The following FCHSD2 variants were observed in gnomAD, a reference collection of about 807,000 sequenced individuals.
FCHSD2 encodes FCH and double SH3 domains 2.
In FCHSD2, 38 loss-of-function variants were observed where a neutral mutation model predicts 108.1. That is an observed-to-expected ratio of 0.35 (90% CI 0.27 to 0.46). The LOEUF (loss-of-function observed/expected upper bound fraction) is 0.46, where lower values mean the gene tolerates loss of function less well. Among genes scored for constraint, FCHSD2 ranks in the 20% least tolerant of loss-of-function variants. FCHSD2 has a pLI of 1.00. For synonymous variants in FCHSD2, 279 were observed against 314.7 expected, an observed-to-expected ratio of 0.89 and a Z score of 1.20; for missense variants, 751 against 897.8, an observed-to-expected ratio of 0.84 and a Z score of 2.09.
chr11:73,091,415 G>C (rs948961133), intron 2 of FCHSD2, among the ~76,000 whole-genome samples: 2 of 151,926 alleles, frequency 1.3e-5, no homozygotes, highest in Non-Finnish European at 2.9e-5. Flanking sequence ...CAGGTGTGGT[G>C]GTGGGTGCCT....
intron 2 of FCHSD2, among the ~76,000 whole-genome samples, chr11:73,115,837 G>C (rs1169963073): frequency 1.3e-5 from 2 of 152,178 alleles, no homozygotes; most frequent in African/African-American, 2.4e-5. Flanking sequence ...ACATTATTGA[G>C]GGTAGCCTCC....
chr11:73,141,784 C>CG, intron 1 of FCHSD2, 73 bp downstream of exon 1: 2 of 1,461,390 alleles, frequency 1.4e-6, no homozygotes, highest in Non-Finnish European at 1.8e-6. Flanking sequence ...GGGGAAGGGG[C>CG]GCAGCGGTCG....
intron 7 of FCHSD2, 82 bp downstream of exon 7, chr11:72,984,980 A>T: frequency 8.1e-6 from 5 of 619,776 alleles, no homozygotes; most frequent in Admixed American, 2.5e-5. Flanking sequence ...GAAATAATCC[A>T]CCTCCACCCT....
chr11:73,046,700 T>C (rs1357175436), intron 3 of FCHSD2, among the ~76,000 whole-genome samples: 1 of 152,204 alleles, frequency 6.6e-6, no homozygotes, highest in Admixed American at 6.5e-5. Context: ...AAAGCACAAG[T>C]ATAACAAGAT....
chr11:72,955,538 G>A (rs1240444379), intron 8 of FCHSD2, among the ~76,000 whole-genome samples: 3 of 152,136 alleles, frequency 2.0e-5, no homozygotes, highest in African/African-American at 4.8e-5. Flanking sequence ...TGGGTGGGGT[G>A]GAGCTAAAAG....
intron 2 of FCHSD2, among the ~76,000 whole-genome samples, chr11:73,114,280 A>G (rs1204749554): frequency 1.3e-5 from 2 of 151,936 alleles, no homozygotes; most frequent in East Asian, 3.9e-4. Context: ...AGTGCTCTTC[A>G]GTCATCTTGT....
intron 5 of FCHSD2, among the ~76,000 whole-genome samples, chr11:72,992,311 C>T (rs1202228505): frequency 6.6e-6 from 1 of 152,144 alleles, no homozygotes; most frequent in Non-Finnish European, 1.5e-5. Context: ...TAGAAAGAAT[C>T]AATATCGTGA....
intron 3 of FCHSD2, among the ~76,000 whole-genome samples, chr11:73,083,042 T>C (rs1342540335): frequency 6.6e-6 from 1 of 152,160 alleles, no homozygotes; most frequent in Non-Finnish European, 1.5e-5. Context: ...AACACAGTCA[T>C]AATGAGAACT....
chr11:73,026,895 TCC>T (rs1463273859), intron 3 of FCHSD2, among the ~76,000 whole-genome samples: 1 of 152,148 alleles, frequency 6.6e-6, no homozygotes, highest in Non-Finnish European at 1.5e-5. Flanking sequence ...TGCCTTGCTT[TCC>T]CTTTGCCTTC....
chr11:72,915,774 C>T (rs1265813588), intron 9 of FCHSD2, among the ~76,000 whole-genome samples: 5 of 152,186 alleles, frequency 3.3e-5, no homozygotes, highest in East Asian at 1.9e-4. Context: ...GCCGAGATCA[C>T]GCCATTGCTC....
intron 11 of FCHSD2, among the ~76,000 whole-genome samples, chr11:72,887,947 A>C (rs149523444): frequency 1.8e-3 from 281 of 152,358 alleles, no homozygotes; most frequent in Non-Finnish European, 3.2e-3. Flanking sequence ...GGAACACTGA[A>C]TTTGAGACAC....
intron 8 of FCHSD2, among the ~76,000 whole-genome samples, chr11:72,964,922 G>T (rs1041814284): frequency 5.3e-5 from 8 of 151,270 alleles, no homozygotes; most frequent in Non-Finnish European, 1.2e-4. Flanking sequence ...CCCGAGTAGC[G>T]GGGACTACAG....
At chr11:72,936,800 T>C (rs540167154) in intron 8 of FCHSD2, among the ~76,000 whole-genome samples, 13 of 152,334 alleles carry the variant, frequency 8.5e-5, no homozygotes, top group Admixed American at 3.3e-4. Flanking sequence ...GATGATATTC[T>C]TTATTTGCTG....
At chr11:72,997,829 T>C (rs1857549210) in intron 5 of FCHSD2, among the ~76,000 whole-genome samples, 1 of 152,146 alleles carries the variant, frequency 6.6e-6, no homozygotes, top group Admixed American at 6.5e-5. Flanking sequence ...ACCTCCCAAG[T>C]AGCTGGGACT....
intron 14 of FCHSD2, among the ~76,000 whole-genome samples, chr11:72,847,122 G>A (rs1285777723): frequency 6.6e-6 from 1 of 152,126 alleles, no homozygotes; most frequent in African/African-American, 2.4e-5. Flanking sequence ...TGAGCCTCCT[G>A]AATAGCTAGG....
At chr11:72,876,204 C>A (rs1854966397) in intron 12 of FCHSD2, among the ~76,000 whole-genome samples, 1 of 152,084 alleles carries the variant, frequency 6.6e-6, no homozygotes, top group Admixed American at 6.5e-5. Context: ...GTGGTACATG[C>A]CTGTAGTCCC....
In FCHSD2 at chr11:72,918,213, T is replaced by C. The variant is rs372996021; in HGVS notation, c.828+3615A>G. ...TTTTGGATCATTCATTGATGGAATATAGAGATGCAACTGATTTTTGTGTTT... is the reference window on the plus strand; with the variant it reads ...TTTTGGATCATTCATTGATGGAATACAGAGATGCAACTGATTTTTGTGTTT... On this transcript the variant is annotated intron_variant, in intron 9 of 19. Coordinates refer to ENST00000409418, the MANE Select transcript of FCHSD2 (RefSeq NM_014824.3). Among the ~76,000 whole-genome samples the C allele has an allele frequency of 2.1e-4, 32 of 152,212 alleles. 1 individual carries two copies. Among genetic ancestry groups the C allele is most frequent in the African/African-American group, 7.7e-4 (32 of 41,470 alleles).
chr11:73,014,608 T>C (rs1232848107), intron 4 of FCHSD2, among the ~76,000 whole-genome samples: 1 of 152,150 alleles, frequency 6.6e-6, no homozygotes, highest in Admixed American at 6.5e-5. Flanking sequence ...TCATCTGATG[T>C]CAATCATCAC....
intron 12 of FCHSD2, among the ~76,000 whole-genome samples, chr11:72,875,152 G>C (rs766774752): frequency 2.6e-5 from 4 of 152,114 alleles, no homozygotes; most frequent in Non-Finnish European, 5.9e-5. Context: ...GACAAGGACT[G>C]TGTGTAATGT....
Sources: gnomAD v4.1 joint callset for allele counts (sites outside exome capture counted in the v4.1 genomes callset) on GRCh38, gnomAD v4.1.1 for gene constraint, MANE v1.5 for transcripts, NCBI Gene and HGNC (gene_info 2026-07-23, HGNC 2026-07-21) for gene names.